Variants in DGKB observed in about 807,000 individuals in gnomAD.
DGKB encodes 90 kDa diacylglycerol kinase.
Under a neutral mutation model 114.3 loss-of-function variants are expected in DGKB, and 67 were observed. The observed-to-expected ratio is 0.59, with a 90% CI of 0.48 to 0.72. The LOEUF is 0.72. DGKB is among the 30% of genes least tolerant of loss of function. The pLI, the probability that DGKB is intolerant of heterozygous loss-of-function variation, is 0.00. For synonymous variants in DGKB, 398 were observed against 323.1 expected, an observed-to-expected ratio of 1.23 and a Z score of -2.49; for missense variants, 907 against 975.2, an observed-to-expected ratio of 0.93 and a Z score of 0.93.
intron 21 of DGKB, among the ~76,000 whole-genome samples, chr7:14,398,510 T>A (rs1002172516): frequency 2.6e-5 from 4 of 152,044 alleles, no homozygotes; most frequent in African/African-American, 9.7e-5. Flanking sequence ...GGCAAAGCTA[T>A]AAAATTCTTT....
intron 8 of DGKB, among the ~76,000 whole-genome samples, chr7:14,696,310 G>A (rs1187070112): frequency 6.6e-6 from 1 of 151,362 alleles, no homozygotes; most frequent in Non-Finnish European, 1.5e-5. Context: ...TGGCTAACAC[G>A]GTGAAACCCC....
chr7:14,556,335 G>T (rs1278281144), intron 20 of DGKB, among the ~76,000 whole-genome samples: 1 of 151,892 alleles, frequency 6.6e-6, no homozygotes, highest in Non-Finnish European at 1.5e-5. Flanking sequence ...TATATATTTA[G>T]TATTTATTAC....
chr7:14,916,278 G>A lies in DGKB; in HGVS notation c.-188+58418C>T, dbSNP rs1029551782. Among the ~76,000 whole-genome samples the A allele has an allele frequency of 4.0e-5, 4 of 98,910 alleles. No individual in the cohort carries two copies. In the East Asian group the frequency reaches 3.0e-3, roughly 75 times the overall value. 64.9% of individuals were successfully genotyped at this position (98,910 alleles called of 152,430 possible). A position where few individuals can be genotyped will look rare whatever the true frequency, so the allele number is the denominator to read the frequency against. On this transcript the variant is annotated intron_variant, in intron 1 of 4. Transcript: ENST00000437998. ...TAAAAGAAGTGAAAGCAGTGAAAGA[G>A]GGAACGACTTTAAAAAAAGAGCAAG... is the stretch of plus-strand genomic sequence containing the variant.
chr7:14,686,332 T>G (rs1821675737), intron 9 of DGKB, among the ~76,000 whole-genome samples: 1 of 152,200 alleles, frequency 6.6e-6, no homozygotes. Flanking sequence ...AGATATTAAA[T>G]GAAATTATTA....
Position 14,145,343 on chromosome 7 carries a change from G to A in DGKB, c.*3788C>T, listed in dbSNP as rs1413999124. Reference sequence around the variant, plus strand: ...TACAAGGGTTTAATCTTTTAATAGAGATATTATTCAGTTATTTGAAAAATA... The same window carrying A: ...TACAAGGGTTTAATCTTTTAATAGAAATATTATTCAGTTATTTGAAAAATA... On this transcript the variant is annotated 3_prime_UTR_variant, in exon 26 of 26. Transcript: ENST00000402815. 6.6e-6 allele frequency: 1 copy of A among 152,002 alleles called. No homozygotes were observed. The highest frequency in any genetic ancestry group is 1.5e-5 in the Non-Finnish European group (1 of 67,990). The allele number at this position is 152,002 out of a possible 1,614,324, so 9.4% of individuals were successfully genotyped here. A position where few individuals can be genotyped will look rare whatever the true frequency, so the allele number is the denominator to read the frequency against.
At position 14,630,258 on chromosome 7, in the gene DGKB, G is replaced by C; in HGVS notation, c.1145C>G (p.Thr382Ser). The C allele has an allele frequency of 6.4e-7, 1 of 1,558,804 alleles. No homozygotes were observed. Residue 382 changes from threonine (T) to serine (S), a missense_variant, in exon 14 of 26, where the codon ACT (threonine) becomes AGT (serine). This residue lies in a region of DGKB where 814 missense variants were observed against 856.6 expected (regional missense o/e 0.95). Coordinates refer to ENST00000402815, the MANE Select transcript of DGKB (RefSeq NM_001350709.2). The stretch of plus-strand genomic sequence containing the variant: ...CACCTCAGGAACTGAAACTCCTGAA[G>C]TGGGCAGAGTCTGCTGAAAAAGAGA... ...TICPVVLTLP[T>S]SGVSVPEERQ...
rs539174397 is a variant in DGKB, at chr7:14,171,087, C to T, written c.2304+5752G>A. Among the ~76,000 whole-genome samples the T allele has an allele frequency of 2.6e-5, 4 of 152,254 alleles. No homozygotes were observed. The East Asian group carries it at 7.7e-4, about 29-fold the overall frequency. On this transcript the variant is annotated intron_variant, in intron 25 of 25. Coordinates refer to ENST00000402815, the MANE Select transcript of DGKB (RefSeq NM_001350709.2). ...GCAGGCTTGGTGGGGATTGGTCCCG[C>T]ACCAGGTCAGGGCTCAATTGCACAA...
intron 1 of DGKB, among the ~76,000 whole-genome samples, chr7:14,896,862 GA>G (rs1782185751): frequency 6.6e-6 from 1 of 151,794 alleles, no homozygotes; most frequent in Non-Finnish European, 1.5e-5. Context: ...TTCATATTGA[GA>G]AATTATATAT....
At chr7:14,787,109 C>CTCACCCTCTACTGTCA (rs1237816381) in intron 2 of DGKB, among the ~76,000 whole-genome samples, 1 of 152,160 alleles carries the variant, frequency 6.6e-6, no homozygotes, top group Non-Finnish European at 1.5e-5. Context: ...CAATAGAGCA[C>CTCACCCTCTACTGTCA]CTCTTCACCT....
chr7:14,190,039 G>A (rs866065327), intron 23 of DGKB, among the ~76,000 whole-genome samples: 3 of 152,178 alleles, frequency 2.0e-5, no homozygotes, highest in Middle Eastern at 3.4e-3. Flanking sequence ...CTGCACCATA[G>A]ACCAAATGGA....
intron 6 of DGKB, among the ~76,000 whole-genome samples, chr7:14,708,802 A>T (rs1284664467): frequency 2.0e-5 from 3 of 149,730 alleles, no homozygotes; most frequent in Admixed American, 6.6e-5. Context: ...TACACCTTAT[A>T]CAAAAATCAA....
At chr7:14,645,391 G>A (rs1812744401) in intron 13 of DGKB, among the ~76,000 whole-genome samples, 2 of 152,092 alleles carry the variant, frequency 1.3e-5, no homozygotes, top group African/African-American at 4.8e-5. Flanking sequence ...GAATAAAAGA[G>A]TGGTAATATT....
intron 1 of DGKB, among the ~76,000 whole-genome samples, chr7:14,898,309 G>C (rs1782438431): frequency 6.6e-6 from 1 of 152,036 alleles, no homozygotes. Flanking sequence ...TAATAAGCCA[G>C]TTGTGGTTAA....
chr7:14,168,435 C>T lies in DGKB; in HGVS notation c.2304+8404G>A, dbSNP rs180881644. ...CTGGAGATGTGCCGATGTGGCAAAACATACAGCTACAGATTCGTGAAGCTC... is the reference window on the plus strand; with the variant it reads ...CTGGAGATGTGCCGATGTGGCAAAATATACAGCTACAGATTCGTGAAGCTC... On this transcript the variant is annotated intron_variant, in intron 25 of 25. Transcript: ENST00000402815. Among the ~76,000 whole-genome samples the T allele has an allele frequency of 4.6e-4, 70 of 152,274 alleles. No individual in the cohort carries two copies. The East Asian group carries it at 0.014, about 29-fold the overall frequency.
intron 23 of DGKB, among the ~76,000 whole-genome samples, chr7:14,318,780 T>G (rs1212841092): frequency 6.6e-6 from 1 of 152,124 alleles, no homozygotes; most frequent in Non-Finnish European, 1.5e-5. Context: ...AGCCATCCCA[T>G]TACTGGGTAT....
intron 21 of DGKB, among the ~76,000 whole-genome samples, chr7:14,415,525 G>GT (rs1464256833): frequency 1.3e-5 from 2 of 151,488 alleles, no homozygotes; most frequent in Admixed American, 6.6e-5. Flanking sequence ...GCGGTGTTTG[G>GT]TTTTTTGTTC....
At chr7:14,887,918 G>A (rs217582) in intron 1 of DGKB, among the ~76,000 whole-genome samples, 24,630 of 151,504 alleles carry the variant, frequency 0.16, 2,209 homozygotes, top group Middle Eastern at 0.2. Context: ...AATCACTGTC[G>A]CTACACTGAA....
At chr7:14,814,264 T>G (rs890557357) in intron 2 of DGKB, 1 of 152,184 alleles carries the variant, frequency 6.6e-6, no homozygotes, top group Non-Finnish European at 1.5e-5. Context: ...TTTCTTTCTC[T>G]GGACATTGGC....
intron 1 of DGKB, among the ~76,000 whole-genome samples, chr7:14,851,578 T>C (rs1266442039): frequency 6.6e-6 from 1 of 152,182 alleles, no homozygotes; most frequent in African/African-American, 2.4e-5. Context: ...TCAGGAACAC[T>C]GTTATACTTC....
Sources: gnomAD v4.1 joint callset for allele counts (sites outside exome capture counted in the v4.1 genomes callset) on GRCh38, gnomAD v4.1.1 for gene constraint, gnomAD v4.1.1 regional missense constraint, MANE v1.5 for transcripts, NCBI Gene and HGNC (gene_info 2026-07-23, HGNC 2026-07-21) for gene names.